The following CCSER1 variants were observed in gnomAD, a reference collection of about 807,000 sequenced individuals.
CCSER1 encodes the protein serine-rich coiled-coil domain-containing protein 1.
In CCSER1, 41 loss-of-function variants were observed where a neutral mutation model predicts 82.0. The observed-to-expected ratio is 0.50, with a 90% CI of 0.39 to 0.65. The LOEUF (loss-of-function observed/expected upper bound fraction) is 0.65. Ranked by LOEUF, CCSER1 falls within the 30% of genes least tolerant of loss-of-function variation. The probability of loss-of-function intolerance (pLI) is 0.00; values close to 1 mark genes in which losing one functional copy is unlikely to be tolerated. For missense variants in CCSER1, 1,119 were observed against 1,064.2 expected, an observed-to-expected ratio of 1.05 and a Z score of -0.72; for synonymous variants, 414 against 383.9, an observed-to-expected ratio of 1.08 and a Z score of -0.92.
At chr4:91,040,173 G>C (rs1424477942) in intron 9 of CCSER1, among the ~76,000 whole-genome samples, 3 of 152,100 alleles carry the variant, frequency 2.0e-5, no homozygotes, top group African/African-American at 4.8e-5. Flanking sequence ...TAAATGCTGT[G>C]TCTGAGAATA....
chr4:90,149,234 C>A (rs893899085), intron 1 of CCSER1, among the ~76,000 whole-genome samples: 26 of 151,874 alleles, frequency 1.7e-4, no homozygotes, highest in African/African-American at 6.3e-4. Context: ...GTAAATAGCC[C>A]AAGTTCAAAG....
chr4:90,476,437 C>T (rs76144784), intron 5 of CCSER1, among the ~76,000 whole-genome samples: 2,416 of 152,136 alleles, frequency 0.016, 40 homozygotes, highest in African/African-American at 0.047. Flanking sequence ...TGGGGGCATT[C>T]ACCTTTCTGA....
At chr4:90,318,247 A>G (rs1053041542) in intron 3 of CCSER1, among the ~76,000 whole-genome samples, 1 of 152,198 alleles carries the variant, frequency 6.6e-6, no homozygotes, top group Non-Finnish European at 1.5e-5. Context: ...GTGTATCTTA[A>G]GTGAACTAAG....
intron 10 of CCSER1, among the ~76,000 whole-genome samples, chr4:91,556,060 A>G (rs1762383424): frequency 6.6e-6 from 1 of 151,386 alleles, no homozygotes; most frequent in Admixed American, 6.6e-5. Context: ...TGAGTTAAGT[A>G]AATGAAACGT....
At chr4:90,816,968 G>C (rs1004364633) in intron 8 of CCSER1, among the ~76,000 whole-genome samples, 1 of 152,116 alleles carries the variant, frequency 6.6e-6, no homozygotes, top group Non-Finnish European at 1.5e-5. Flanking sequence ...ACATGTTACT[G>C]TGGCTTTAGA....
chr4:90,268,723 G>T (rs758062115), intron 1 of CCSER1, among the ~76,000 whole-genome samples: 1 of 151,972 alleles, frequency 6.6e-6, no homozygotes, highest in Non-Finnish European at 1.5e-5. Context: ...GAATGTAAAT[G>T]GATTACATGC....
intron 3 of CCSER1, among the ~76,000 whole-genome samples, chr4:90,388,341 T>TCTC (rs10650552): frequency 1.0e-3 from 159 of 151,652 alleles, no homozygotes; most frequent in African/African-American, 3.3e-3. Flanking sequence ...TGAGACAGAG[T>TCTC]CTCTGTCACC....
chr4:90,863,096 C>A (rs1018806538), intron 8 of CCSER1, among the ~76,000 whole-genome samples: 29 of 151,454 alleles, frequency 1.9e-4, no homozygotes, highest in Admixed American at 1.5e-3. Context: ...CCGCTCCCCC[C>A]ACCCCACAAC....
At chr4:90,317,596 T>A (rs1314201270) in intron 3 of CCSER1, among the ~76,000 whole-genome samples, 1 of 152,092 alleles carries the variant, frequency 6.6e-6, no homozygotes, top group Non-Finnish European at 1.5e-5. Context: ...CACTCCAGCT[T>A]GAACAACAAA....
intron 10 of CCSER1, among the ~76,000 whole-genome samples, chr4:91,152,074 T>A (rs1488227680): frequency 1.3e-5 from 2 of 152,282 alleles, no homozygotes; most frequent in Admixed American, 6.5e-5. Flanking sequence ...GACAGTGGGG[T>A]GTTAAAGTTT....
intron 5 of CCSER1, among the ~76,000 whole-genome samples, chr4:90,486,722 C>CT (rs796718729): frequency 9.2e-4 from 140 of 152,224 alleles, no homozygotes; most frequent in African/African-American, 3.2e-3. Flanking sequence ...ATAAAAACTG[C>CT]TTTTTTTGCC....
intron 10 of CCSER1, among the ~76,000 whole-genome samples, chr4:91,269,404 G>T (rs4350972): frequency 0.56 from 83,232 of 147,576 alleles, 23,894 homozygotes; most frequent in African/African-American, 0.75. Flanking sequence ...TGTTAACCCA[G>T]GTCTTCTAAT....
At chr4:91,303,761 C>CT (rs1342838665) in intron 10 of CCSER1, among the ~76,000 whole-genome samples, 1 of 151,950 alleles carries the variant, frequency 6.6e-6, no homozygotes, top group African/African-American at 2.4e-5. Context: ...TGCCACTGCG[C>CT]TCCAACCTGG....
At chr4:90,981,711 A>AAGAGGATAACTAC (rs1736131298) in intron 9 of CCSER1, among the ~76,000 whole-genome samples, 1 of 151,832 alleles carries the variant, frequency 6.6e-6, no homozygotes, top group South Asian at 2.1e-4. Context: ...ACCCAAGTTC[A>AAGAGGATAACTAC]AGAGGATAAC....
intron 10 of CCSER1, among the ~76,000 whole-genome samples, chr4:91,176,914 C>A (rs995291438): frequency 3.9e-5 from 6 of 152,092 alleles, no homozygotes; most frequent in Non-Finnish European, 8.8e-5. Context: ...CAAAGGGAAT[C>A]TTTCCAGTTT....
intron 10 of CCSER1, among the ~76,000 whole-genome samples, chr4:91,321,183 CTT>C (rs1746170624): frequency 6.6e-6 from 1 of 152,012 alleles, no homozygotes; most frequent in Non-Finnish European, 1.5e-5. Context: ...GCTAAACAGT[CTT>C]TTTCAATTCA....
At chr4:91,366,236 G>T (rs1749604896) in intron 10 of CCSER1, among the ~76,000 whole-genome samples, 1 of 152,108 alleles carries the variant, frequency 6.6e-6, no homozygotes, top group Admixed American at 6.5e-5. Context: ...AGCCAGGCTG[G>T]TCTCGAACTC....
chr4:91,334,466 A>G (rs1747180052), intron 10 of CCSER1, among the ~76,000 whole-genome samples: 1 of 152,090 alleles, frequency 6.6e-6, no homozygotes. Context: ...CACAATTTGC[A>G]GCGACAGGTG....
chr4:90,381,470 T>C (rs915365694), intron 3 of CCSER1, among the ~76,000 whole-genome samples: 1 of 152,144 alleles, frequency 6.6e-6, no homozygotes, highest in African/African-American at 2.4e-5. Flanking sequence ...ATATTTTATA[T>C]TATATATGGG....
Sources: allele counts gnomAD v4.1 joint callset (sites outside exome capture counted in the v4.1 genomes callset), GRCh38; gene constraint gnomAD v4.1.1; transcripts MANE v1.5; gene names NCBI Gene and HGNC (gene_info 2026-07-23, HGNC 2026-07-21).